The following PCDHA7 variants were observed in gnomAD, a reference collection of about 807,000 sequenced individuals.
The protein encoded by PCDHA7 is protocadherin alpha-7.
Under a neutral mutation model 57.2 loss-of-function variants are expected in PCDHA7, and 37 were observed. The observed-to-expected ratio is 0.65, with a 90% CI of 0.50 to 0.85. The LOEUF is 0.85. Among genes scored for constraint, PCDHA7 ranks in the 40% least tolerant of loss-of-function variants. PCDHA7 has a pLI of 0.00. For missense variants in PCDHA7, 1,188 were observed against 1,241.8 expected, an observed-to-expected ratio of 0.96 and a Z score of 0.65; for synonymous variants, 553 against 558.8, an observed-to-expected ratio of 0.99 and a Z score of 0.15.
intron 1 of PCDHA7, among the ~76,000 whole-genome samples, chr5:140,879,020 TATTG>T (rs1366518511): frequency 6.6e-6 from 1 of 152,230 alleles, no homozygotes; most frequent in African/African-American, 2.4e-5. Context: ...GATAATGTTT[TATTG>T]AAGAGTGTCT....
At chr5:140,896,871 TTTATGGG>T (rs1349052738) in intron 1 of PCDHA7, among the ~76,000 whole-genome samples, 1 of 152,200 alleles carries the variant, frequency 6.6e-6, no homozygotes, top group Non-Finnish European at 1.5e-5. Flanking sequence ...AGTGTACATA[TTTATGGG>T]GTATATGAGA....
At chr5:140,898,099 A>C (rs1469393554) in intron 1 of PCDHA7, among the ~76,000 whole-genome samples, 2 of 152,168 alleles carry the variant, frequency 1.3e-5, no homozygotes, top group African/African-American at 4.8e-5. Flanking sequence ...GCCCTTTGTC[A>C]GATGAGTAGG....
intron 1 of PCDHA7, among the ~76,000 whole-genome samples, chr5:140,846,696 G>A (rs1487069290): frequency 1.3e-5 from 2 of 149,188 alleles, no homozygotes; most frequent in African/African-American, 2.5e-5. Context: ...TTAGCAAGTA[G>A]AGAAGATTGT....
chr5:140,853,242 A>T, intron 1 of PCDHA7: 1 of 978,496 alleles, frequency 1.0e-6, no homozygotes, highest in Non-Finnish European at 1.2e-6. Context: ...CCTTCATATT[A>T]ATCTCTATTC....
intron 1 of PCDHA7, chr5:140,966,838 G>T: frequency 6.4e-7 from 1 of 1,566,772 alleles, no homozygotes. Flanking sequence ...CCTGGCTGCT[G>T]CTACTGCCTC....
intron 1 of PCDHA7, among the ~76,000 whole-genome samples, chr5:140,872,366 C>T (rs1474545806): frequency 5.3e-5 from 8 of 152,126 alleles, no homozygotes; most frequent in African/African-American, 1.4e-4. Flanking sequence ...GTGGTTCAGG[C>T]CTGTAATCCC....
chr5:141,007,349 G>C (rs532404832), intron 3 of PCDHA7, among the ~76,000 whole-genome samples: 204 of 144,744 alleles, frequency 1.4e-3, no homozygotes, highest in Middle Eastern at 0.011. Flanking sequence ...TCAGGAGTTC[G>C]AGACCAGCCT....
chr5:140,896,366 C>T (rs905088200), intron 1 of PCDHA7, among the ~76,000 whole-genome samples: 1 of 152,090 alleles, frequency 6.6e-6, no homozygotes, highest in Non-Finnish European at 1.5e-5. Context: ...TATAAGCATT[C>T]CCTTTTCTCT....
At chr5:140,837,490 C>A (rs1775075680) in intron 1 of PCDHA7, among the ~76,000 whole-genome samples, 1 of 146,602 alleles carries the variant, frequency 6.8e-6, no homozygotes, top group East Asian at 2.0e-4. Context: ...ATTTACTTTA[C>A]CTTTCTGAAT....
chr5:140,994,233 T>A (rs2097606681), intron 3 of PCDHA7, among the ~76,000 whole-genome samples: 1 of 152,138 alleles, frequency 6.6e-6, no homozygotes, highest in Admixed American at 6.5e-5. Context: ...TATGTTATAA[T>A]CAATTCAAAC....
intron 1 of PCDHA7, among the ~76,000 whole-genome samples, chr5:140,946,990 C>T (rs181802680): frequency 2.6e-5 from 4 of 151,580 alleles, no homozygotes; most frequent in African/African-American, 9.7e-5. Context: ...TTTGAGTGTT[C>T]TAACTTCAAA....
intron 1 of PCDHA7, chr5:140,847,658 T>C (rs1554141863): frequency 6.7e-6 from 1 of 149,650 alleles, no homozygotes; most frequent in East Asian, 1.9e-4. Context: ...TATTCATAGA[T>C]TATAAAGCTT....
chr5:140,884,750 A>G, intron 1 of PCDHA7: 1 of 1,431,238 alleles, frequency 7.0e-7, no homozygotes, highest in Non-Finnish European at 9.2e-7. Flanking sequence ...TGCCAATTTC[A>G]AATTATTCTT....
chr5:140,848,406 G>C, intron 1 of PCDHA7: 2 of 1,338,990 alleles, frequency 1.5e-6, no homozygotes, highest in Admixed American at 4.3e-5. Context: ...GAACGATGGC[G>C]AACACAGCAG....
In PCDHA7 at chr5:140,835,820, G is replaced by T. The variant is rs2150245687; in HGVS notation, c.1437G>T (p.Ala479=). 6.2e-7 allele frequency: 1 copy of T among 1,612,676 alleles called. No homozygotes were observed. Among genetic ancestry groups the T allele is most frequent in the South Asian group, 1.1e-5 (1 of 91,008 alleles). ...GCTGCCACATCTTCACTGTGTCGGC[G>T]GGGGACGCGGACGCGCAGAAGAACG... ...PPGCHIFTVS[A]GDADAQKNAL... is the part of the protein sequence containing the mutation. Residue 479 remains alanine, a synonymous_variant, in exon 1 of 4, where the codon GCG becomes GCT. Transcript: ENST00000525929.
intron 3 of PCDHA7, among the ~76,000 whole-genome samples, chr5:140,990,314 CCAAA>C (rs2097387288): frequency 6.6e-6 from 1 of 152,212 alleles, no homozygotes; most frequent in Non-Finnish European, 1.5e-5. Context: ...AAAAAACCAA[CCAAA>C]CAAACTTTAA....
intron 1 of PCDHA7, chr5:140,867,112 T>C (rs1446733026): frequency 6.6e-6 from 1 of 152,146 alleles, no homozygotes; most frequent in Non-Finnish European, 1.5e-5. Flanking sequence ...AATTAACATA[T>C]TGTTTTAATT....
intron 1 of PCDHA7, among the ~76,000 whole-genome samples, chr5:140,893,566 C>T (rs1283289530): frequency 6.6e-6 from 1 of 152,156 alleles, no homozygotes; most frequent in African/African-American, 2.4e-5. Flanking sequence ...AGTGTACTTC[C>T]TCAGTTTTTG....
At chr5:140,884,143 G>T in intron 1 of PCDHA7, 1 of 1,613,438 alleles carries the variant, frequency 6.2e-7, no homozygotes. Flanking sequence ...TCCGCGTGGG[G>T]CTGTACACTG....
Sources: gnomAD v4.1 joint callset for allele counts (sites outside exome capture counted in the v4.1 genomes callset) on GRCh38, gnomAD v4.1.1 for gene constraint, MANE v1.5 for transcripts, NCBI Gene and HGNC (gene_info 2026-07-23, HGNC 2026-07-21) for gene names.